Variants in ARHGAP6 observed in about 807,000 individuals in gnomAD.
ARHGAP6 encodes the protein Rho GTPase activating protein 6.
In ARHGAP6, 16 loss-of-function variants were observed where a neutral mutation model predicts 55.7. The ratio of observed to expected loss-of-function variants is 0.29; its 90% CI spans 0.19 to 0.44. The LOEUF is 0.44. Ranked by LOEUF, ARHGAP6 falls within the 20% of genes least tolerant of loss-of-function variation. The pLI, the probability that ARHGAP6 is intolerant of heterozygous loss-of-function variation, is 1.00. For missense variants in ARHGAP6, 698 were observed against 808.9 expected, an observed-to-expected ratio of 0.86 and a Z score of 1.66; for synonymous variants, 382 against 360.9, an observed-to-expected ratio of 1.06 and a Z score of -0.66.
At chrX:11,357,253 CA>C (rs1014078665) in intron 1 of ARHGAP6, among the ~76,000 whole-genome samples, 1 of 111,632 alleles carries the variant, frequency 9.0e-6, no homozygotes, top group Non-Finnish European at 1.9e-5. Flanking sequence ...ATTGGGAAGT[CA>C]TTTTCCTTTA....
intron 1 of ARHGAP6, among the ~76,000 whole-genome samples, chrX:11,576,428 C>T (rs988999448): frequency 8.9e-6 from 1 of 111,799 alleles, no homozygotes; most frequent in Non-Finnish European, 1.9e-5. Context: ...AAGACACATG[C>T]TACAATTTTT....
At chrX:11,642,071 C>T (rs911091664) in intron 1 of ARHGAP6, among the ~76,000 whole-genome samples, 2 of 111,806 alleles carry the variant, frequency 1.8e-5, no homozygotes, top group East Asian at 2.8e-4. Context: ...TTTCAATTCA[C>T]GTTTGAATGC....
chrX:11,336,369 G>A (rs1461431077), intron 1 of ARHGAP6, among the ~76,000 whole-genome samples: 1 of 111,338 alleles, frequency 9.0e-6, no homozygotes, highest in Non-Finnish European at 1.9e-5. Flanking sequence ...TGCACCTGGA[G>A]CAGCTATTTT....
chrX:11,389,430 C>A (rs140334599), intron 1 of ARHGAP6, among the ~76,000 whole-genome samples: 1,248 of 112,129 alleles, frequency 0.011, 18 homozygotes, highest in African/African-American at 0.038. Context: ...TGTGGGTTTA[C>A]CACAATGAGA....
chrX:11,543,010 T>A (rs2051175534), intron 1 of ARHGAP6, among the ~76,000 whole-genome samples: 1 of 111,025 alleles, frequency 9.0e-6, no homozygotes, highest in South Asian at 3.9e-4. Context: ...GTGGGAAGGG[T>A]CTCCTTTGGG....
At chrX:11,145,431 C>T (rs1427833131) in intron 10 of ARHGAP6, among the ~76,000 whole-genome samples, 3 of 111,842 alleles carry the variant, frequency 2.7e-5, no homozygotes, top group Non-Finnish European at 5.6e-5. Context: ...CTGAGGCAAA[C>T]ACGGGCCTGA....
At chrX:11,557,105 G>A (rs2051326844) in intron 1 of ARHGAP6, among the ~76,000 whole-genome samples, 1 of 112,418 alleles carries the variant, frequency 8.9e-6, no homozygotes, top group Admixed American at 9.4e-5. Flanking sequence ...AAGAAGAGGA[G>A]AGGAAGAAGA....
chrX:11,600,907 T>C (rs1038130588), intron 1 of ARHGAP6, among the ~76,000 whole-genome samples: 1 of 111,767 alleles, frequency 8.9e-6, no homozygotes, highest in Non-Finnish European at 1.9e-5. Flanking sequence ...GGGTGGAACA[T>C]GTCTCAGAGA....
intron 9 of ARHGAP6, among the ~76,000 whole-genome samples, chrX:11,165,386 T>C (rs1183121273): frequency 1.8e-5 from 2 of 111,375 alleles, no homozygotes; most frequent in Non-Finnish European, 3.8e-5. Context: ...AGTAAGGGCC[T>C]AGGAGTATAT....
intron 1 of ARHGAP6, among the ~76,000 whole-genome samples, chrX:11,388,657 AG>A (rs2049362540): frequency 9.0e-6 from 1 of 111,598 alleles, no homozygotes; most frequent in African/African-American, 3.3e-5. Context: ...GGTAATGCCT[AG>A]GTTTTCTTCT....
At chrX:11,532,809 C>A (rs988916251) in intron 1 of ARHGAP6, among the ~76,000 whole-genome samples, 2 of 111,744 alleles carry the variant, frequency 1.8e-5, no homozygotes, top group Admixed American at 9.5e-5. Context: ...ACCAGAAAGT[C>A]CACAAAGCCT....
At chrX:11,298,909 C>T in intron 1 of ARHGAP6, 11 of 1,211,338 alleles carry the variant, frequency 9.1e-6, no homozygotes, top group Non-Finnish European at 1.2e-5. Flanking sequence ...CCCCTGCCTC[C>T]CATGCTTCCT....
Position 11,568,530 on chromosome X carries a change from G to A in ARHGAP6, c.588+95711C>T, listed in dbSNP as rs374646017. ...CTCACGCCTATAATCCCAGCGGTGG[G>A]CAGATCACTTGAGGTCAGGAGTTCG... On this transcript the variant is annotated intron_variant, in intron 1 of 12. Transcript: ENST00000337414. Among the ~76,000 whole-genome samples the A allele has an allele frequency of 5.4e-5, 6 of 111,833 alleles. No individual in the cohort carries two copies. The East Asian group carries it at 8.4e-4, about 16-fold the overall frequency.
chrX:11,591,288 T>C (rs963085839), intron 1 of ARHGAP6, among the ~76,000 whole-genome samples: 1 of 110,096 alleles, frequency 9.1e-6, no homozygotes, highest in Admixed American at 9.7e-5. Context: ...ATACTGACAA[T>C]AGAATTACAG....
At chrX:11,370,513 G>A (rs2049131625) in intron 1 of ARHGAP6, among the ~76,000 whole-genome samples, 1 of 111,612 alleles carries the variant, frequency 9.0e-6, no homozygotes, top group Non-Finnish European at 1.9e-5. Flanking sequence ...TCTCTGGGTA[G>A]AGTCACCAGT....
intron 1 of ARHGAP6, among the ~76,000 whole-genome samples, chrX:11,327,037 G>A (rs1455679638): frequency 2.7e-5 from 3 of 111,704 alleles, no homozygotes; most frequent in Non-Finnish European, 5.6e-5. Context: ...TTTTACATTA[G>A]GGAGTAGCAC....
intron 2 of ARHGAP6, among the ~76,000 whole-genome samples, chrX:11,212,832 T>C (rs756285969): frequency 8.9e-6 from 1 of 111,987 alleles, no homozygotes; most frequent in African/African-American, 3.2e-5. Flanking sequence ...TAAAAAAATA[T>C]ATATAGGACC....
Position 11,139,102 on chromosome X carries a change from A to G in ARHGAP6, c.2686T>C (p.Trp896Arg), listed in dbSNP as rs2045584135. The G allele has an allele frequency of 1.7e-6, 2 of 1,201,230 alleles. No homozygotes were observed. Among genetic ancestry groups the G allele is most frequent in the South Asian group, 1.8e-5 (1 of 55,917 alleles). ...GPGKPAAAAAWIQGPPEGVET... is the reference protein window; with the variant it reads ...GPGKPAAAAARIQGPPEGVET... ...ACGCCTTCCGGGGGCCCCTGGATCC[A>G]GGCTGCCGCTGCCGCGGGCTTCCCT... Residue 896 changes from tryptophan to arginine, a missense_variant, in exon 13 of 13, where the codon TGG becomes CGG. Trp to Arg is a moderately radical substitution (Grantham distance 101). Transcript: ENST00000337414.
chrX:11,597,806 T>C (rs1456575622), intron 1 of ARHGAP6, among the ~76,000 whole-genome samples: 1 of 111,815 alleles, frequency 8.9e-6, no homozygotes, highest in African/African-American at 3.3e-5. Context: ...AAGTGTGTTT[T>C]GTTTGTGAAA....
Sources: allele counts gnomAD v4.1 joint callset (sites outside exome capture counted in the v4.1 genomes callset), GRCh38; gene constraint gnomAD v4.1.1; transcripts MANE v1.5; gene names NCBI Gene and HGNC (gene_info 2026-07-23, HGNC 2026-07-21).